The following RANBP2 variants were observed in gnomAD, a reference collection of about 807,000 sequenced individuals.
The protein encoded by RANBP2 is RAN binding protein 2.
A neutral mutation model predicts 303.6 loss-of-function variants in RANBP2; 57 were observed. That is an observed-to-expected ratio of 0.19 (90% CI 0.15 to 0.23). RANBP2 has a LOEUF of 0.23. RANBP2 is among the 10% of genes least tolerant of loss of function. The pLI is 1.00. For synonymous variants in RANBP2, 1,167 were observed against 1,301.5 expected (o/e 0.90, Z 2.23); for missense variants, 3,138 against 3,780.8 (o/e 0.83, Z 4.46).
At chr2:109,116,529 T>G in the RANBP2 span, among the ~76,000 whole-genome samples, 3 of 152,180 alleles carry the variant, frequency 2.0e-5, no homozygotes, top group Non-Finnish European at 4.4e-5. Context: ...GTTATACATT[T>G]GTCTAAATTT....
chr2:109,431,820 A>G, the RANBP2 span, among the ~76,000 whole-genome samples: 1 of 152,082 alleles, frequency 6.6e-6, no homozygotes, highest in African/African-American at 2.4e-5. Flanking sequence ...GCAGTGAGCT[A>G]TGCTTGTACC....
chr2:108,840,997 G>A, the RANBP2 span, among the ~76,000 whole-genome samples: 2 of 151,174 alleles, frequency 1.3e-5, no homozygotes, highest in Non-Finnish European at 3.0e-5. Flanking sequence ...TTTTTTGTGT[G>A]TGTGTTTTTT....
At chr2:108,727,066 T>C (rs1156431344) in intron 1 of RANBP2, among the ~76,000 whole-genome samples, 1 of 152,132 alleles carries the variant, frequency 6.6e-6, no homozygotes, top group Non-Finnish European at 1.5e-5. Context: ...ATCCGATTTC[T>C]CAATCTTTTC....
the RANBP2 span, among the ~76,000 whole-genome samples, chr2:108,829,506 GAGGCCAAGGC>G: frequency 7.9e-5 from 12 of 152,212 alleles, no homozygotes; most frequent in Non-Finnish European, 1.6e-4. Context: ...AGCACTTTGG[GAGGCCAAGGC>G]AGGCGGGTCA....
At chr2:109,130,059 C>T in the RANBP2 span, 4 of 1,368,250 alleles carry the variant, frequency 2.9e-6, no homozygotes, top group Middle Eastern at 2.7e-4. Context: ...CCGCGGGCAG[C>T]ACCGCCGGCA....
chr2:108,759,186 T>C (rs911638248), intron 18 of RANBP2, among the ~76,000 whole-genome samples: 4 of 152,010 alleles, frequency 2.6e-5, no homozygotes, highest in African/African-American at 9.7e-5. Context: ...AGGTTACTAA[T>C]AGTGTTTACT....
the RANBP2 span, among the ~76,000 whole-genome samples, chr2:109,603,817 T>C: frequency 6.6e-6 from 1 of 151,998 alleles, no homozygotes; most frequent in African/African-American, 2.4e-5. Flanking sequence ...TGGTGGGTCC[T>C]GAGGTCAGCA....
the RANBP2 span, among the ~76,000 whole-genome samples, chr2:108,961,419 A>T: frequency 6.6e-6 from 1 of 152,262 alleles, no homozygotes; most frequent in Non-Finnish European, 1.5e-5. Flanking sequence ...AGGAGCCAGC[A>T]TTGGAGCACA....
the RANBP2 span, among the ~76,000 whole-genome samples, chr2:109,113,097 G>A: frequency 6.6e-6 from 1 of 152,122 alleles, no homozygotes; most frequent in South Asian, 2.1e-4. Flanking sequence ...TTTTGGCTTA[G>A]GATTGACTTG....
the RANBP2 span, among the ~76,000 whole-genome samples, chr2:109,460,103 C>T: frequency 1.7e-4 from 26 of 152,326 alleles, no homozygotes; most frequent in Admixed American, 3.3e-4. Flanking sequence ...TCCATGCACA[C>T]GAGCCCATTG....
the RANBP2 span, among the ~76,000 whole-genome samples, chr2:109,650,808 C>CCT: frequency 6.6e-6 from 1 of 152,158 alleles, no homozygotes; most frequent in Non-Finnish European, 1.5e-5. Context: ...GTGAGGCCTC[C>CCT]CAGCCATGTG....
chr2:109,163,198 C>T, the RANBP2 span, among the ~76,000 whole-genome samples: 1 of 152,108 alleles, frequency 6.6e-6, no homozygotes, highest in East Asian at 1.9e-4. Flanking sequence ...AATAGGAACT[C>T]GCGGGCAGCT....
the RANBP2 span, among the ~76,000 whole-genome samples, chr2:109,312,643 C>G: frequency 6.6e-6 from 1 of 152,318 alleles, no homozygotes; most frequent in South Asian, 2.1e-4. Flanking sequence ...GCCCTTTGGT[C>G]TAGCTTCTTT....
the RANBP2 span, among the ~76,000 whole-genome samples, chr2:109,015,440 T>A: frequency 1.3e-5 from 2 of 152,114 alleles, no homozygotes; most frequent in Admixed American, 6.6e-5. Context: ...AACATGTTCT[T>A]TTCTCTAGCT....
the RANBP2 span, among the ~76,000 whole-genome samples, chr2:109,015,548 A>C: frequency 6.6e-6 from 1 of 152,154 alleles, no homozygotes; most frequent in African/African-American, 2.4e-5. Flanking sequence ...ATTTGAGGCC[A>C]GGAGTTCGAG....
chr2:109,625,498 CAAAAAAAA>C, the RANBP2 span, among the ~76,000 whole-genome samples: 4 of 133,584 alleles, frequency 3.0e-5, no homozygotes, highest in Admixed American at 1.6e-4. Context: ...ACTAAAAATA[CAAAAAAAA>C]AAAAAAAAAA....
At chr2:109,673,428 T>C in the RANBP2 span, among the ~76,000 whole-genome samples, 11 of 152,186 alleles carry the variant, frequency 7.2e-5, no homozygotes, top group African/African-American at 2.7e-4. Flanking sequence ...GAAACCTCTG[T>C]TTTTCTCATG....
chr2:109,585,058 C>T, the RANBP2 span: 8 of 863,336 alleles, frequency 9.3e-6, no homozygotes, highest in Non-Finnish European at 1.4e-5. Context: ...AATCATAGTT[C>T]ATGGGGCTAT....
the RANBP2 span, chr2:109,760,506 G>C: frequency 3.1e-6 from 3 of 964,378 alleles, no homozygotes; most frequent in African/African-American, 1.8e-5. Context: ...GCGCAAGCCG[G>C]GGAGCGGGTG....
Sources: gnomAD v4.1 joint callset for allele counts (sites outside exome capture counted in the v4.1 genomes callset) on GRCh38, gnomAD v4.1.1 for gene constraint, MANE v1.5 for transcripts, NCBI Gene and HGNC (gene_info 2026-07-23, HGNC 2026-07-21) for gene names.